The following MEF2D variants were observed in gnomAD, a reference collection of about 807,000 sequenced individuals.
MEF2D encodes the protein myocyte-specific enhancer factor 2D.
MEF2D carries 10 observed loss-of-function variants against 59.3 expected under a neutral mutation model. That is an observed-to-expected ratio of 0.17 (90% CI 0.10 to 0.29). The LOEUF (loss-of-function observed/expected upper bound fraction) is 0.29. Ranked by LOEUF, MEF2D falls within the 10% of genes least tolerant of loss-of-function variation. The pLI is 1.00. For missense variants in MEF2D, 508 were observed against 699.4 expected (o/e 0.73, Z 3.09); for synonymous variants, 305 against 295.0 (o/e 1.03, Z -0.35).
At chr1:156,499,190 A>G (rs1194238293) in intron 1 of MEF2D, among the ~76,000 whole-genome samples, 1 of 152,128 alleles carries the variant, frequency 6.6e-6, no homozygotes. Context: ...CAAACTTCCC[A>G]TAGTCTAGGC....
chr1:156,481,263 A>G (rs1571243231), intron 3 of MEF2D, among the ~76,000 whole-genome samples: 1 of 152,122 alleles, frequency 6.6e-6, no homozygotes, highest in Non-Finnish European at 1.5e-5. Flanking sequence ...ACAGGCAGGG[A>G]AGGGGCTTCC....
intron 1 of MEF2D, among the ~76,000 whole-genome samples, chr1:156,489,412 G>A (rs562093223): frequency 1.3e-5 from 2 of 152,132 alleles, no homozygotes; most frequent in Non-Finnish European, 2.9e-5. Context: ...GGTGGCAGAG[G>A]GGGGACAGAC....
intron 1 of MEF2D, among the ~76,000 whole-genome samples, chr1:156,491,648 C>T (rs1672804277): frequency 6.6e-6 from 1 of 152,224 alleles, no homozygotes; most frequent in East Asian, 1.9e-4. Context: ...TCAGACCCAC[C>T]TGCTTGTGGT....
chr1:156,474,626 CAG>C (rs1322880885), intron 9 of MEF2D, among the ~76,000 whole-genome samples: 4 of 151,486 alleles, frequency 2.6e-5, no homozygotes, highest in African/African-American at 9.7e-5. Context: ...GCCTGGGCAA[CAG>C]AGAGACCTTG....
At chr1:156,475,385 A>C in intron 8 of MEF2D, 148 bp from the exon 9 acceptor site, 1 of 871,948 alleles carries the variant, frequency 1.1e-6, no homozygotes, top group Non-Finnish European at 1.7e-6. Flanking sequence ...ATACAAACAC[A>C]CGTTGGTGCA....
intron 11 of MEF2D, 91 bp from the exon 12 acceptor site, chr1:156,467,747 G>A: frequency 7.7e-7 from 1 of 1,297,486 alleles, no homozygotes. Context: ...ATAGGGCCAG[G>A]ATTCTAGTGG....
intron 1 of MEF2D, among the ~76,000 whole-genome samples, chr1:156,484,591 A>T (rs1750304): frequency 1.1e-3 from 167 of 151,824 alleles, no homozygotes; most frequent in Non-Finnish European, 1.7e-3. Context: ...AAAATACAGG[A>T]ACAAATGACA....
chr1:156,485,316 A>G (rs1418601569), intron 1 of MEF2D, among the ~76,000 whole-genome samples: 1 of 152,148 alleles, frequency 6.6e-6, no homozygotes, highest in Non-Finnish European at 1.5e-5. Flanking sequence ...GCTAAAGTTC[A>G]GCCTTGGTCT....
At chr1:156,483,190 G>A (rs1557888512) in intron 2 of MEF2D, 49 bp downstream of exon 2, 1 of 1,578,878 alleles carries the variant, frequency 6.3e-7, no homozygotes, top group Admixed American at 1.7e-5. Context: ...AGAGGCAGAG[G>A]CCTGCTCCCT....
intron 1 of MEF2D, among the ~76,000 whole-genome samples, chr1:156,486,044 T>C (rs775680529): frequency 6.6e-6 from 1 of 152,034 alleles, no homozygotes; most frequent in Non-Finnish European, 1.5e-5. Flanking sequence ...CAGACAGGAT[T>C]TCACCATGTT....
chr1:156,490,210 C>G (rs549422187), intron 1 of MEF2D, among the ~76,000 whole-genome samples: 1 of 152,132 alleles, frequency 6.6e-6, no homozygotes, highest in Non-Finnish European at 1.5e-5. Flanking sequence ...CTGCTCCCCA[C>G]GCCCCTACTC....
chr1:156,487,712 C>T (rs1280761800), intron 1 of MEF2D, among the ~76,000 whole-genome samples: 1 of 152,208 alleles, frequency 6.6e-6, no homozygotes, highest in African/African-American at 2.4e-5. Flanking sequence ...ACCTGGACCT[C>T]CTTAATTAGC....
intron 3 of MEF2D, among the ~76,000 whole-genome samples, chr1:156,481,444 A>G (rs1672012645): frequency 6.6e-6 from 1 of 152,098 alleles, no homozygotes; most frequent in Admixed American, 6.5e-5. Context: ...TAGGAGGAAG[A>G]GAGAAATAGA....
At chr1:156,470,983 G>A (rs564673663) in intron 9 of MEF2D, among the ~76,000 whole-genome samples, 10 of 152,182 alleles carry the variant, frequency 6.6e-5, no homozygotes, top group Non-Finnish European at 1.3e-4. Context: ...GTCTCCTAAC[G>A]TTGGTCAGGA....
At position 156,477,550 on chromosome 1, in the gene MEF2D, G is replaced by A. The variant is rs191058455; in HGVS notation, c.665-348C>T. ...TTCTTCTGTACCCAAGCCTCTCCCT[G>A]TCTTCTCTCTACTTTAGTCTCCACA... On this transcript the variant is annotated intron_variant, in intron 6 of 11. Coordinates refer to ENST00000348159, the MANE Select transcript of MEF2D (RefSeq NM_005920.4). 1.7e-3 allele frequency among the ~76,000 whole-genome samples: 257 copies of A among 152,240 alleles called. 2 individuals carry two copies. The highest frequency in any genetic ancestry group is 6.0e-3 in the African/African-American group (251 of 41,518).
chr1:156,468,938 G>C lies in MEF2D; in HGVS notation c.1089C>G (p.Ala363=), dbSNP rs758600719. 21 of 1,613,834 alleles carry C rather than the reference G, an allele frequency of 1.3e-5. No individual in the cohort carries two copies. Among genetic ancestry groups the C allele is most frequent in the Non-Finnish European group, 1.4e-5 (17 of 1,179,934 alleles). ...GCTGGGGCTGCTGTGGCTGTTGCCA[G>C]GCAGTGACATTGCCTAGCGACAGCC... is the stretch of plus-strand genomic sequence containing the variant. ...PGGLSLGNVT[A]WQQPQQPQQP... is the part of the protein sequence containing the mutation. Residue 363 remains alanine, a synonymous_variant, in exon 10 of 12, where the codon GCC becomes GCG. Transcript: ENST00000348159. This position sits in a 1 kb window ranked among gnomAD's most constrained non-coding sequence, Gnocchi z 4.3.
At chr1:156,480,813 G>C (rs749322296) in intron 4 of MEF2D, 21 bp downstream of exon 4, 2 of 1,593,650 alleles carry the variant, frequency 1.3e-6, no homozygotes, top group South Asian at 1.1e-5. Flanking sequence ...GGCCAACAGA[G>C]ACAGAGTGAG....
chr1:156,480,095 T>C (rs1235097981), intron 4 of MEF2D, among the ~76,000 whole-genome samples: 2 of 152,048 alleles, frequency 1.3e-5, no homozygotes, highest in Non-Finnish European at 2.9e-5. Flanking sequence ...GGTGGGTTAG[T>C]CCTCAGCCAG....
chr1:156,480,183 C>T (rs117689591), intron 4 of MEF2D, among the ~76,000 whole-genome samples: 2,745 of 152,224 alleles, frequency 0.018, 27 homozygotes, highest in Middle Eastern at 0.034. Context: ...GCTTGCACCA[C>T]GGGTAGGGAC....
Sources: gnomAD v4.1 joint callset for allele counts (sites outside exome capture counted in the v4.1 genomes callset) on GRCh38, gnomAD v4.1.1 for gene constraint, Gnocchi (gnomAD v3.1) non-coding constraint, MANE v1.5 for transcripts, NCBI Gene and HGNC (gene_info 2026-07-23, HGNC 2026-07-21) for gene names.